Variants in PLCB1 observed in about 807,000 individuals in gnomAD.
PLCB1 encodes phospholipase C beta 1, also known as 1-phosphatidylinositol 4,5-bisphosphate phosphodiesterase beta-1.
PLCB1 carries 46 observed loss-of-function variants against 161.8 expected under a neutral mutation model. The ratio of observed to expected loss-of-function variants is 0.28; its 90% CI spans 0.22 to 0.36. The LOEUF is 0.36. Ranked by LOEUF, PLCB1 falls within the 10% of genes least tolerant of loss-of-function variation. The pLI is 1.00. For missense variants in PLCB1, 1,016 were observed against 1,472.5 expected, an observed-to-expected ratio of 0.69 and a Z score of 5.07; for synonymous variants, 517 against 503.7, an observed-to-expected ratio of 1.03 and a Z score of -0.35.
chr20:8,507,937 T>C (rs1317392772), intron 3 of PLCB1, among the ~76,000 whole-genome samples: 1 of 152,142 alleles, frequency 6.6e-6, no homozygotes, highest in Non-Finnish European at 1.5e-5. Flanking sequence ...TTGTTAGTAA[T>C]TTTTAGGTCT....
chr20:8,193,839 A>G (rs1257509290), intron 2 of PLCB1, among the ~76,000 whole-genome samples: 6 of 151,996 alleles, frequency 3.9e-5, no homozygotes, highest in Non-Finnish European at 8.8e-5. Context: ...GTTGAGGTCA[A>G]TGAGGTATAG....
chr20:8,703,676 T>G (rs1978498691), intron 11 of PLCB1, among the ~76,000 whole-genome samples: 1 of 151,418 alleles, frequency 6.6e-6, no homozygotes, highest in African/African-American at 2.4e-5. Flanking sequence ...GCAGGACAAA[T>G]GGAAAAGCAG....
At chr20:8,733,512 AC>A in intron 19 of PLCB1, 120 bp downstream of exon 19, 1 of 889,914 alleles carries the variant, frequency 1.1e-6, no homozygotes, top group East Asian at 2.6e-5. Flanking sequence ...CTTTCTTCCT[AC>A]ATTTTTTTTC....
chr20:8,631,352 G>A (rs2223837), intron 4 of PLCB1, among the ~76,000 whole-genome samples: 112,229 of 152,166 alleles, frequency 0.74, 41,751 homozygotes, highest in Admixed American at 0.82. Flanking sequence ...TCCATGAAAG[G>A]TGTTAAATAT....
At chr20:8,366,360 G>A (rs1408811707) in intron 2 of PLCB1, among the ~76,000 whole-genome samples, 1 of 152,086 alleles carries the variant, frequency 6.6e-6, no homozygotes, top group African/African-American at 2.4e-5. Flanking sequence ...ACAATGCACA[G>A]AAATTGGGAT....
intron 20 of PLCB1, among the ~76,000 whole-genome samples, chr20:8,738,278 T>C (rs1980686883): frequency 6.6e-6 from 1 of 152,246 alleles, no homozygotes; most frequent in Non-Finnish European, 1.5e-5. Flanking sequence ...TCCACAATGG[T>C]TGAACTAGTT....
intron 31 of PLCB1, among the ~76,000 whole-genome samples, chr20:8,879,340 G>A (rs1600111223): frequency 6.6e-6 from 1 of 150,428 alleles, no homozygotes; most frequent in South Asian, 2.1e-4. Context: ...TCCATAATCT[G>A]TTATCTGAGA....
rs148386086 is a variant in PLCB1, at chr20:8,739,403, G to A, written c.2308+43G>A. ...AGAAACCTTTTATCAAAGTTGCAAA[G>A]AAAATCATTACTGCTTAAAATATTA... On this transcript the variant is annotated intron_variant, in intron 21 of 31. Coordinates refer to ENST00000338037, the MANE Select transcript of PLCB1 (RefSeq NM_015192.4). The A allele has an allele frequency of 1.2e-3, 1,420 of 1,185,128 alleles. 14 individuals are homozygous for A. In the African/African-American group the frequency reaches 0.019, roughly 16 times the overall value. The allele number at this position is 1,185,128 out of a possible 1,614,324, so 73.4% of individuals were successfully genotyped here.
chr20:8,447,096 A>G (rs947373715), intron 3 of PLCB1, among the ~76,000 whole-genome samples: 17 of 152,200 alleles, frequency 1.1e-4, no homozygotes, highest in African/African-American at 3.6e-4. Flanking sequence ...TTGGCTGTTT[A>G]GAAATATTAA....
chr20:8,876,047 CTTGACCGT>C (rs1314592485), intron 31 of PLCB1, among the ~76,000 whole-genome samples: 1 of 152,138 alleles, frequency 6.6e-6, no homozygotes, highest in East Asian at 1.9e-4. Context: ...TACATTTGAA[CTTGACCGT>C]ATTGCCTTTT....
chr20:8,133,359 G>A (rs1300063480), intron 1 of PLCB1, among the ~76,000 whole-genome samples: 1 of 152,062 alleles, frequency 6.6e-6, no homozygotes, highest in Non-Finnish European at 1.5e-5. Flanking sequence ...TGGGGAGGGC[G>A]TGAACAGAAT....
chr20:8,614,477 A>C (rs1987993462), intron 3 of PLCB1, among the ~76,000 whole-genome samples: 1 of 152,098 alleles, frequency 6.6e-6, no homozygotes, highest in Non-Finnish European at 1.5e-5. Context: ...ACAGAACCAA[A>C]TTAAGAGGGA....
At chr20:8,412,056 T>A (rs1979068778) in intron 3 of PLCB1, among the ~76,000 whole-genome samples, 1 of 151,988 alleles carries the variant, frequency 6.6e-6, no homozygotes, top group Non-Finnish European at 1.5e-5. Flanking sequence ...GACAATTTCC[T>A]CAGTAAAGAA....
At chr20:8,628,589 A>G (rs981408715) in intron 4 of PLCB1, 158 bp downstream of exon 4, 12 of 674,316 alleles carry the variant, frequency 1.8e-5, no homozygotes, top group Non-Finnish European at 3.0e-5. Flanking sequence ...CAATTAAAAT[A>G]CTTCTAAATA....
chr20:8,678,595 A>G (rs1033566), intron 9 of PLCB1, among the ~76,000 whole-genome samples: 57,309 of 152,018 alleles, frequency 0.38, 11,391 homozygotes, highest in Non-Finnish European at 0.43. Flanking sequence ...TGTTTTTCCT[A>G]TTCTTGTCTC....
intron 30 of PLCB1, 106 bp downstream of exon 30, chr20:8,789,681 A>G (rs1600329268): frequency 1.2e-6 from 1 of 842,592 alleles, no homozygotes; most frequent in East Asian, 2.4e-5. Flanking sequence ...ATAACTTTTT[A>G]TCACTAGCAC....
chr20:8,839,815 C>A (rs1986428632), intron 31 of PLCB1, among the ~76,000 whole-genome samples: 1 of 151,364 alleles, frequency 6.6e-6, no homozygotes, highest in African/African-American at 2.4e-5. Flanking sequence ...TGGATCACCT[C>A]AGGTCAGGAG....
intron 23 of PLCB1, among the ~76,000 whole-genome samples, chr20:8,753,667 C>A (rs1428383058): frequency 6.6e-6 from 1 of 152,118 alleles, no homozygotes; most frequent in Non-Finnish European, 1.5e-5. Flanking sequence ...CTCCTCCTGG[C>A]AGAGGGTACA....
chr20:8,415,787 C>G (rs1475482556), intron 3 of PLCB1, among the ~76,000 whole-genome samples: 1 of 152,126 alleles, frequency 6.6e-6, no homozygotes, highest in Non-Finnish European at 1.5e-5. Flanking sequence ...GGGATCCTAC[C>G]CTTCATGTGG....
Sources: allele counts gnomAD v4.1 joint callset (sites outside exome capture counted in the v4.1 genomes callset), GRCh38; gene constraint gnomAD v4.1.1; transcripts MANE v1.5; gene names NCBI Gene and HGNC (gene_info 2026-07-23, HGNC 2026-07-21).